The following ANO8 variants were observed in gnomAD, a reference collection of about 807,000 sequenced individuals.
ANO8 encodes the protein anoctamin 8.
ANO8 carries 67 observed loss-of-function variants against 120.4 expected under a neutral mutation model. The observed-to-expected ratio is 0.56, with a 90% confidence interval of 0.46 to 0.68. The LOEUF (loss-of-function observed/expected upper bound fraction) is 0.68. Among genes scored for constraint, ANO8 ranks in the 30% least tolerant of loss-of-function variants. The pLI is 0.00. For synonymous variants in ANO8, 727 were observed against 759.2 expected, an observed-to-expected ratio of 0.96 and a Z score of 0.70; for missense variants, 1,526 against 1,737.6, an observed-to-expected ratio of 0.88 and a Z score of 2.16.
chr19:17,328,044 C>T, intron 13 of ANO8, 118 bp downstream of exon 13: 1 of 1,354,962 alleles, frequency 7.4e-7, no homozygotes. Context: ...TCTCCTGCAG[C>T]ATCCCAACAT....
Position 17,333,458 on chromosome 19 carries a change from C to T in ANO8, c.314G>A (p.Arg105His), listed in dbSNP as rs751022259. 5 of 1,613,458 alleles carry T rather than the reference C, an allele frequency of 3.1e-6. No individual in the cohort carries two copies. The highest frequency in any genetic ancestry group is 2.7e-5 in the African/African-American group (2 of 74,924). ...GGCGGTGACAAAGAAGGCGTAGGCA[C>T]GCGTGTGGCGGTGGTGGCGGACTTG... ...IVQVRHHRHT[R>H]AYAFFVTATY... Residue 105 changes from arginine to histidine, a missense_variant, in exon 3 of 18, where the codon CGT becomes CAT. Coordinates refer to ENST00000159087, the MANE Select transcript of ANO8 (RefSeq NM_020959.3). This position sits in a 1 kb window ranked among gnomAD's most constrained non-coding sequence, Gnocchi z 7.2.
chr19:17,333,395 G>A lies in ANO8; in HGVS notation c.350+27C>T, dbSNP rs1568362743. ...AGCGGGGAGTCGGGTGGCAGGCTCA[G>A]CGAGAGGCCAGGGACAGGGGACTCG... On this transcript the variant is annotated intron_variant, in intron 3 of 17. Coordinates refer to ENST00000159087, the MANE Select transcript of ANO8 (RefSeq NM_020959.3). This position sits in a 1 kb window ranked among gnomAD's most constrained non-coding sequence, Gnocchi z 7.2. The A allele has an allele frequency of 6.2e-7, 1 of 1,613,432 alleles. No homozygotes were observed. Among genetic ancestry groups the A allele is most frequent in the South Asian group, 1.1e-5 (1 of 91,078 alleles).
In ANO8 at chr19:17,323,445, G is replaced by A; in HGVS notation, c.*72C>T. On this transcript the variant is annotated 3_prime_UTR_variant, in exon 18 of 18. Coordinates refer to ENST00000159087, the MANE Select transcript of ANO8 (RefSeq NM_020959.3). ...GCCCTCGGGGGCTGAAGCGCATTTT[G>A]CATTTTGGAGACCGGCCGCCCCTGT... 7.9e-7 allele frequency: 1 copy of A among 1,270,782 alleles called. No individual in the cohort carries two copies. The highest frequency in any genetic ancestry group is 1.0e-6 in the Non-Finnish European group (1 of 1,004,872). The allele number at this position is 1,270,782 out of a possible 1,614,324, so 78.7% of individuals were successfully genotyped here.
intron 5 of ANO8, 141 bp from the exon 6 acceptor site, chr19:17,331,552 C>T (rs1393863114): frequency 2.9e-6 from 2 of 696,226 alleles, no homozygotes; most frequent in South Asian, 1.7e-5. Context: ...AAGTTCTAGA[C>T]GGATAGAAGA....
Position 17,330,415 on chromosome 19 carries a change from G to T in ANO8, c.1083C>A (p.Leu361=), listed in dbSNP as rs562266782. The part of the protein sequence containing the change: ...KRLLFQLLVS[L]PLCLACLVCV... ...AGACGAGGCACGCCAGGCACAGGGG[G>T]AGGCTCACAAGCAGCTGGAAGAGCA... The change falls in exon 9 of 18, where the codon CTC becomes CTA. Residue 361 remains leucine (L), a synonymous_variant. Transcript: ENST00000159087. 6.3e-7 allele frequency: 1 copy of T among 1,577,840 alleles called. No homozygotes were observed. The highest frequency in any genetic ancestry group is 2.3e-5 in the East Asian group (1 of 42,732).
Position 17,333,406 on chromosome 19 carries a change from G to A in ANO8, c.350+16C>T, listed in dbSNP as rs1452261002. ...GGGTGGCAGGCTCAGCGAGAGGCCAGGGACAGGGGACTCGCCTCTCATACG... is the reference window on the plus strand; with the variant it reads ...GGGTGGCAGGCTCAGCGAGAGGCCAAGGACAGGGGACTCGCCTCTCATACG... On this transcript the variant is annotated intron_variant, in intron 3 of 17. Transcript: ENST00000159087. This position sits in a 1 kb window ranked among gnomAD's most constrained non-coding sequence, Gnocchi z 7.2. 1.1e-5 allele frequency: 18 copies of A among 1,613,616 alleles called. No homozygotes were observed. Among genetic ancestry groups the A allele is most frequent in the Non-Finnish European group, 1.4e-5 (17 of 1,180,014 alleles).
In ANO8 at chr19:17,333,834, A is replaced by G; in HGVS notation, c.107-34T>C. ...CGGCGTAGCAGGCCCGGGTCAGGCCACTCTGGGATCCGGACCCGGCCTCCA... is the reference window on the plus strand; with the variant it reads ...CGGCGTAGCAGGCCCGGGTCAGGCCGCTCTGGGATCCGGACCCGGCCTCCA... On this transcript the variant is annotated intron_variant, in intron 1 of 17. Coordinates refer to ENST00000159087, the MANE Select transcript of ANO8 (RefSeq NM_020959.3). This position sits in a 1 kb window ranked among gnomAD's most constrained non-coding sequence, Gnocchi z 7.2. 6.5e-7 allele frequency: 1 copy of G among 1,537,860 alleles called. No homozygotes were observed. The highest frequency in any genetic ancestry group is 8.8e-7 in the Non-Finnish European group (1 of 1,134,974).
intron 12 of ANO8, chr19:17,329,377 G>A (rs761662768): frequency 2.5e-4 from 89 of 361,836 alleles, no homozygotes; most frequent in Non-Finnish European, 3.9e-4. Context: ...GCCCACCCCG[G>A]CGAGGACCCA....
Position 17,330,030 on chromosome 19 carries a change from G to T in ANO8, c.1274-16C>A, listed in dbSNP as rs1295913055. ...CGGTAATTTTCTAGGGGCCAAGGGG[G>T]GGAGTGAGGGGGCAGCCGCGGTCCC... is the stretch of plus-strand genomic sequence containing the variant. On this transcript the variant is annotated splice_polypyrimidine_tract_variant and intron_variant, in intron 10 of 17. Coordinates refer to ENST00000159087, the MANE Select transcript of ANO8 (RefSeq NM_020959.3). 1 of 1,613,898 alleles carries T rather than the reference G, an allele frequency of 6.2e-7. No individual in the cohort carries two copies. Among genetic ancestry groups the T allele is most frequent in the African/African-American group, 1.3e-5 (1 of 74,890 alleles).
rs1389361460 is a variant in ANO8, at chr19:17,328,326, C to G, written c.2062G>C (p.Asp688His). The change falls in exon 13 of 18, where the codon GAC (aspartate) becomes CAC (histidine). Residue 688 changes from aspartate (D) to histidine (H), a missense_variant. This residue lies in a region of ANO8 where 467 missense variants were observed against 425.8 expected (regional missense o/e 1.10). Transcript: ENST00000159087. ...LFRRAGGEGR[D>H]QGPDGGPDPE... ...TCCGGGCCCCCGTCGGGCCCCTGGT[C>G]TCGGCCCTCGCCCCCGGCCCGGCGG... is the stretch of plus-strand genomic sequence containing the variant. 1 of 1,590,008 alleles carries G rather than the reference C, an allele frequency of 6.3e-7. No homozygotes were observed. Among genetic ancestry groups the G allele is most frequent in the East Asian group, 2.3e-5 (1 of 43,976 alleles).
At position 17,328,848 on chromosome 19, in the gene ANO8, C is replaced by T; in HGVS notation, c.1540G>A (p.Gly514Ser). 3 of 1,482,440 alleles carry T rather than the reference C, an allele frequency of 2.0e-6. No homozygotes were observed. In the South Asian group the frequency reaches 3.8e-5, roughly 19 times the overall value. 91.8% of individuals were successfully genotyped at this position (1,482,440 alleles called of 1,614,324 possible). The change falls in exon 13 of 18, where the codon GGC (glycine) becomes AGC (serine). Residue 514 changes from glycine to serine, a missense_variant. Gly to Ser is a moderately conservative substitution (Grantham distance 56). Around this residue, in one of 8 missense-constraint regions of ANO8, gnomAD observed 467 missense variants for 425.8 expected, o/e 1.10. Coordinates refer to ENST00000159087, the MANE Select transcript of ANO8 (RefSeq NM_020959.3). ...GCAGGGCGCCGGAGGCTCAGGAGGC[C>T]AAGCAGGGCTCGGGCCAGCTCCCAG... ...AVWELARALL[G>S]LLSLRRPAPR...
chr19:17,330,408 A>C lies in ANO8; in HGVS notation c.1090T>G (p.Cys364Gly). ...LFQLLVSLPLCLACLVCVFLL... is the reference protein window; with the variant it reads ...LFQLLVSLPLGLACLVCVFLL... ...AAGACACAGACGAGGCACGCCAGGC[A>C]CAGGGGGAGGCTCACAAGCAGCTGG... The change falls in exon 9 of 18, where the codon TGC becomes GGC. Residue 364 changes from cysteine to glycine, a missense_variant. Physicochemically the swap from Cys to Gly is radical, Grantham distance 159. Around this residue, in one of 8 missense-constraint regions of ANO8, gnomAD observed 91 missense variants for 85.3 expected, o/e 1.07. Coordinates refer to ENST00000159087, the MANE Select transcript of ANO8 (RefSeq NM_020959.3). 1.3e-6 allele frequency: 2 copies of C among 1,579,742 alleles called. No individual in the cohort carries two copies. Among genetic ancestry groups the C allele is most frequent in the Middle Eastern group, 1.7e-4 (1 of 6,014 alleles).
chr19:17,327,087 A>T, intron 16 of ANO8, 148 bp downstream of exon 16: 1 of 758,784 alleles, frequency 1.3e-6, no homozygotes, highest in African/African-American at 1.8e-5. Flanking sequence ...GGAGTGAGCC[A>T]CTGCACCCAG....
At position 17,331,337 on chromosome 19, in the gene ANO8, T is replaced by C; in HGVS notation, c.661A>G (p.Met221Val). ...CACACGGCCTGCACCCATGACTTCA[T>C]GAGGCGGTTCAGAATACGCTGCTCG... ...VHEQRILNRL[M>V]KSWVQAVCEN... Residue 221 changes from methionine (M) to valine (V), a missense_variant, in exon 6 of 18, where the codon ATG becomes GTG. Met to Val is a conservative substitution (Grantham distance 21). Transcript: ENST00000159087. The C allele has an allele frequency of 3.1e-6, 5 of 1,614,158 alleles. No individual in the cohort carries two copies. The highest frequency in any genetic ancestry group is 3.4e-6 in the Non-Finnish European group (4 of 1,180,030).
intron 16 of ANO8, 37 bp downstream of exon 16, chr19:17,327,198 A>C: frequency 1.4e-6 from 2 of 1,479,946 alleles, no homozygotes; most frequent in South Asian, 2.6e-5. Context: ...CAGCAGCCCC[A>C]CCAATGAGAA....
At chr19:17,326,845 G>A (rs369674124) in intron 16 of ANO8, among the ~76,000 whole-genome samples, 6 of 152,316 alleles carry the variant, frequency 3.9e-5, no homozygotes, top group Admixed American at 1.3e-4. Flanking sequence ...GCTGGTGGAT[G>A]GCTGAAGGTT....
At position 17,330,921 on chromosome 19, in the gene ANO8, C is replaced by T. The variant is rs142421858; in HGVS notation, c.900G>A (p.Glu300=). The T allele has an allele frequency of 6.8e-6, 11 of 1,614,042 alleles. No individual in the cohort carries two copies. The African/African-American group carries it at 1.2e-4, about 18-fold the overall frequency. Reference sequence around the variant, plus strand: ...GCTCAGCCCCTCTCCGCTTCCATTCCTCTAGGAACAGCGTCGACCAGATCA... The same window carrying T: ...GCTCAGCCCCTCTCCGCTTCCATTCTTCTAGGAACAGCGTCGACCAGATCA... ...FNVIWSTLFL[E]EWKRRGAELA... Residue 300 remains glutamate (E), a synonymous_variant, in exon 8 of 18, where the codon GAG becomes GAA. Coordinates refer to ENST00000159087, the MANE Select transcript of ANO8 (RefSeq NM_020959.3).
chr19:17,334,585 G>C lies in ANO8; in HGVS notation c.86C>G (p.Ala29Gly). 5 of 1,552,588 alleles carry C rather than the reference G, an allele frequency of 3.2e-6. No individual in the cohort carries two copies. The highest frequency in any genetic ancestry group is 4.3e-6 in the Non-Finnish European group (5 of 1,157,606). ...CATACCCAGAACTCCGGACGCCGGG[G>C]CTGCAGGCTCGCCCTCCGGCGGGGG... ...KRPPPEGEPA[A>G]PASGVLDKLF... Residue 29 changes from alanine to glycine, a missense_variant, in exon 1 of 18, where the codon GCC (alanine) becomes GGC (glycine). By Grantham distance (60) the Ala-to-Gly change is moderately conservative. Around this residue, in one of 8 missense-constraint regions of ANO8, gnomAD observed 53 missense variants for 45.0 expected, o/e 1.18. Transcript: ENST00000159087.
At chr19:17,327,596 G>T in intron 14 of ANO8, 27 bp from the exon 15 acceptor site, 1 of 1,612,186 alleles carries the variant, frequency 6.2e-7, no homozygotes. Flanking sequence ...GGGCTCAGGC[G>T]GGGTCCAGCC....
Sources: allele counts gnomAD v4.1 joint callset (sites outside exome capture counted in the v4.1 genomes callset), GRCh38; gene constraint gnomAD v4.1.1; regional missense constraint gnomAD v4.1.1; non-coding constraint Gnocchi (gnomAD v3.1); transcripts MANE v1.5; gene names NCBI Gene and HGNC (gene_info 2026-07-23, HGNC 2026-07-21).